Variants in CPED1 observed in about 807,000 individuals in gnomAD.
CPED1 encodes the protein cadherin like and PC-esterase domain containing 1, also known as cadherin-like and PC-esterase domain-containing protein 1.
Under a neutral mutation model 128.2 loss-of-function variants are expected in CPED1, and 114 were observed. The ratio of observed to expected loss-of-function variants is 0.89; its 90% CI spans 0.76 to 1.04. The LOEUF is 1.04. Among genes scored for constraint, CPED1 ranks in the 50% least tolerant of loss-of-function variants. The probability of loss-of-function intolerance (pLI) is 0.00; values close to 1 mark genes in which losing one functional copy is unlikely to be tolerated. For missense variants in CPED1, 1,211 were observed against 1,207.1 expected (o/e 1.00, Z -0.05); for synonymous variants, 462 against 426.7 (o/e 1.08, Z -1.02).
intron 16 of CPED1, among the ~76,000 whole-genome samples, chr7:121,178,845 AC>A (rs1796839624): frequency 6.6e-6 from 1 of 151,988 alleles, no homozygotes; most frequent in Non-Finnish European, 1.5e-5. Context: ...CTAAATTGAA[AC>A]CTGAAGGGGA....
intron 4 of CPED1, chr7:121,061,067 C>T (rs1793656581): frequency 6.5e-6 from 1 of 153,652 alleles, no homozygotes; most frequent in African/African-American, 2.4e-5. Flanking sequence ...AAACTCCGAA[C>T]ACATCTGAAT....
At position 121,128,468 on chromosome 7, in the gene CPED1, T is replaced by G. The variant is rs138794970; in HGVS notation, c.1389T>G (p.Ser463Arg). The change falls in exon 11 of 23, where the codon AGT becomes AGG. Residue 463 changes from serine (S) to arginine (R), a missense_variant. Physicochemically the swap from Ser to Arg is moderately radical, Grantham distance 110. Transcript: ENST00000310396. ...TGACTTTCATAAAGGAACTTGGAAG[T>G]CTGGGACAATTCCAACTGGTAAAGC... ...SIMTFIKELG[S>R]LGQFQLLFPS... is the part of the protein sequence containing the mutation. The G allele has an allele frequency of 6.3e-7, 1 of 1,579,442 alleles. No individual in the cohort carries two copies. The highest frequency in any genetic ancestry group is 8.7e-7 in the Non-Finnish European group (1 of 1,148,594).
intron 22 of CPED1, among the ~76,000 whole-genome samples, chr7:121,288,199 A>T (rs1381959873): frequency 2.0e-5 from 3 of 152,220 alleles, no homozygotes; most frequent in Non-Finnish European, 4.4e-5. Context: ...CTATATTTTG[A>T]CAAATCAAAA....
chr7:121,119,460 C>T (rs972403589), intron 7 of CPED1, among the ~76,000 whole-genome samples: 30 of 150,880 alleles, frequency 2.0e-4, no homozygotes, highest in African/African-American at 2.9e-4. Flanking sequence ...CCACTGCGCC[C>T]GGCCCCCAAA....
intron 3 of CPED1, among the ~76,000 whole-genome samples, chr7:121,020,146 T>C (rs925590629): frequency 2.6e-5 from 4 of 152,070 alleles, no homozygotes; most frequent in Admixed American, 6.6e-5. Flanking sequence ...AAAAACAAAA[T>C]GCAAACCTGC....
chr7:121,120,784 G>C (rs1795364144), intron 7 of CPED1, among the ~76,000 whole-genome samples: 1 of 151,968 alleles, frequency 6.6e-6, no homozygotes, highest in African/African-American at 2.4e-5. Context: ...ATGGGAGCAA[G>C]AGATAAGCAT....
chr7:121,108,757 T>G (rs1347878512), intron 7 of CPED1, among the ~76,000 whole-genome samples: 1 of 152,098 alleles, frequency 6.6e-6, no homozygotes, highest in African/African-American at 2.4e-5. Context: ...CATGCTATAC[T>G]GTCTTATGTG....
chr7:121,280,345 T>A (rs947018016), intron 22 of CPED1, among the ~76,000 whole-genome samples: 1 of 152,162 alleles, frequency 6.6e-6, no homozygotes, highest in Non-Finnish European at 1.5e-5. Flanking sequence ...AACAGTTTAA[T>A]ATTAAACTGG....
At chr7:121,080,503 G>T (rs1356656582) in intron 5 of CPED1, among the ~76,000 whole-genome samples, 1 of 152,036 alleles carries the variant, frequency 6.6e-6, no homozygotes, top group Non-Finnish European at 1.5e-5. Flanking sequence ...TTTTTATTTT[G>T]AAGCCATCAG....
At chr7:121,156,366 A>G (rs1164573929) in intron 16 of CPED1, among the ~76,000 whole-genome samples, 2 of 152,210 alleles carry the variant, frequency 1.3e-5, no homozygotes, top group African/African-American at 4.8e-5. Context: ...AAGTCAATAT[A>G]GGTAAGAGAT....
intron 16 of CPED1, among the ~76,000 whole-genome samples, chr7:121,235,550 G>C (rs2116662733): frequency 6.6e-6 from 1 of 152,130 alleles, no homozygotes; most frequent in East Asian, 1.9e-4. Context: ...GCAAAGAAGA[G>C]GTCAAATCCA....
At chr7:121,295,140 AACAC>A (rs35927183) in intron 22 of CPED1, among the ~76,000 whole-genome samples, 2,293 of 145,796 alleles carry the variant, frequency 0.016, 111 homozygotes, top group Admixed American at 0.11. Context: ...CTGGCCTGAA[AACAC>A]ACACACACAC....
At chr7:121,265,000 A>G (rs1297160116) in intron 18 of CPED1, among the ~76,000 whole-genome samples, 1 of 152,104 alleles carries the variant, frequency 6.6e-6, no homozygotes, top group African/African-American at 2.4e-5. Context: ...TGGCAGTCAA[A>G]ATGTAATAAA....
At chr7:121,234,810 C>G (rs137902922) in intron 16 of CPED1, among the ~76,000 whole-genome samples, 13 of 152,230 alleles carry the variant, frequency 8.5e-5, no homozygotes, top group Non-Finnish European at 1.9e-4. Context: ...AGTGAACACA[C>G]ACGTACACGT....
intron 4 of CPED1, among the ~76,000 whole-genome samples, chr7:121,062,179 A>G (rs889465388): frequency 3.9e-5 from 6 of 152,218 alleles, no homozygotes; most frequent in Non-Finnish European, 8.8e-5. Context: ...GAGTCAGTCC[A>G]TAACCTTTAA....
intron 16 of CPED1, among the ~76,000 whole-genome samples, chr7:121,197,920 A>C (rs546640376): frequency 1.5e-3 from 231 of 152,242 alleles, no homozygotes; most frequent in African/African-American, 5.2e-3. Flanking sequence ...CCAAATTGTA[A>C]ACCGAAGAAT....
At chr7:121,159,873 G>C (rs1796374763) in intron 16 of CPED1, among the ~76,000 whole-genome samples, 2 of 152,086 alleles carry the variant, frequency 1.3e-5, no homozygotes, top group Non-Finnish European at 2.9e-5. Context: ...AAATGATACT[G>C]TTCAAACCAA....
At chr7:121,161,124 A>ACATC (rs1796405274) in intron 16 of CPED1, among the ~76,000 whole-genome samples, 1 of 152,146 alleles carries the variant, frequency 6.6e-6, no homozygotes. Context: ...TTTTAAAACA[A>ACATC]CATCCATTCA....
intron 16 of CPED1, among the ~76,000 whole-genome samples, chr7:121,235,942 A>C (rs191912074): frequency 2.0e-5 from 3 of 152,236 alleles, no homozygotes; most frequent in East Asian, 3.9e-4. Context: ...ACACGCCCTA[A>C]ATTGTGATAG....
Sources: gnomAD v4.1 joint callset for allele counts (sites outside exome capture counted in the v4.1 genomes callset) on GRCh38, gnomAD v4.1.1 for gene constraint, MANE v1.5 for transcripts, NCBI Gene and HGNC (gene_info 2026-07-23, HGNC 2026-07-21) for gene names.